ABL2: variants seen among roughly 807,000 people sequenced by gnomAD.
ABL2 encodes the protein ABL proto-oncogene 2, non-receptor tyrosine kinase, also known as tyrosine-protein kinase ABL2.
Under a neutral mutation model 107.7 loss-of-function variants are expected in ABL2, and 49 were observed. The observed-to-expected ratio is 0.45, with a 90% CI of 0.36 to 0.58. ABL2 has a LOEUF of 0.58. Ranked by LOEUF, ABL2 falls within the 20% of genes least tolerant of loss-of-function variation. The pLI is 0.00. For synonymous variants in ABL2, 549 were observed against 548.6 expected (o/e 1.00, Z -0.01); for missense variants, 1,245 against 1,457.0 (o/e 0.85, Z 2.37).
At position 179,121,721 on chromosome 1, in the gene ABL2, G is replaced by A. The variant is rs796712434; in HGVS notation, c.834C>T (p.His278=). ...KPTVYGVSPI[H]DKWEMERTDI... ...CTGTTCGCTCCATTTCCCATTTGTC[G>A]TGGATGGGGGACACACCATAGACTG... is the stretch of plus-strand genomic sequence containing the variant. Residue 278 remains histidine (H), a synonymous_variant, in exon 5 of 12, where the codon CAC becomes CAT. Transcript: ENST00000502732. 1.4e-5 allele frequency: 23 copies of A among 1,613,980 alleles called. No homozygotes were observed. The highest frequency in any genetic ancestry group is 1.2e-4 in the African/African-American group (9 of 74,970).
intron 1 of ABL2, among the ~76,000 whole-genome samples, chr1:179,170,169 A>G (rs1192133372): frequency 1.3e-5 from 2 of 152,200 alleles, no homozygotes; most frequent in African/African-American, 2.4e-5. Context: ...AGCATACTCA[A>G]CAGTACTCAT....
At position 179,106,375 on chromosome 1, in the gene ABL2, C is replaced by T. The variant is rs566995620; in HGVS notation, c.*1343G>A. 6.3e-4 allele frequency: 145 copies of T among 231,370 alleles called. No individual in the cohort carries two copies. The Middle Eastern group carries it at 6.5e-3, about 10-fold the overall frequency. The allele number at this position is 231,370 out of a possible 1,614,324, so 14.3% of individuals were successfully genotyped here. Reference sequence around the variant, plus strand: ...AGGTTCCCAGGGTCTACCTGGTGCTCCCTGAAAATGACTACTCCTTCAATT... The same window carrying T: ...AGGTTCCCAGGGTCTACCTGGTGCTTCCTGAAAATGACTACTCCTTCAATT... On this transcript the variant is annotated 3_prime_UTR_variant, in exon 12 of 12. Coordinates refer to ENST00000502732, the MANE Select transcript of ABL2 (RefSeq NM_007314.4).
chr1:179,203,226 C>A (rs952413463), intron 1 of ABL2, among the ~76,000 whole-genome samples: 1 of 152,092 alleles, frequency 6.6e-6, no homozygotes, highest in Non-Finnish European at 1.5e-5. Flanking sequence ...TATTTCCTAA[C>A]GTCAAAACAA....
intron 8 of ABL2, among the ~76,000 whole-genome samples, chr1:179,116,489 C>CT (rs1272554407): frequency 1.2e-4 from 18 of 151,988 alleles, no homozygotes; most frequent in African/African-American, 4.3e-4. Context: ...GCAGGGACTT[C>CT]TTTTTTAAAA....
At chr1:179,207,748 T>C (rs149227079) in intron 1 of ABL2, among the ~76,000 whole-genome samples, 233 of 152,298 alleles carry the variant, frequency 1.5e-3, no homozygotes, top group African/African-American at 5.4e-3. Flanking sequence ...AATTTTTTTA[T>C]ACCTATGTCA....
chr1:179,126,742 G>T lies in ABL2; in HGVS notation c.392-70C>A. On this transcript the variant is annotated intron_variant, in intron 3 of 11. Coordinates refer to ENST00000502732, the MANE Select transcript of ABL2 (RefSeq NM_007314.4). This position sits in a 1 kb window ranked among gnomAD's most constrained non-coding sequence, Gnocchi z 4.4. The stretch of plus-strand genomic sequence containing the variant: ...TTTATTTCAACTGAAGCAGTGTACT[G>T]TCAAACTTTAAACTCATTAAAAAAA... 8 of 1,365,008 alleles carry T rather than the reference G, an allele frequency of 5.9e-6. No homozygotes were observed. Among genetic ancestry groups the T allele is most frequent in the African/African-American group, 2.9e-5 (2 of 68,444 alleles). The allele number at this position is 1,365,008 out of a possible 1,614,324, so 84.6% of individuals were successfully genotyped here. A position where few individuals can be genotyped will look rare whatever the true frequency, so the allele number is the denominator to read the frequency against.
chr1:179,226,949 C>T (rs949223126), intron 1 of ABL2, among the ~76,000 whole-genome samples: 8 of 152,132 alleles, frequency 5.3e-5, no homozygotes, highest in Non-Finnish European at 1.0e-4. Context: ...CAGCAACATT[C>T]CCACAATCCA....
At chr1:179,224,134 C>CAAAAAAAAA (rs1181284107) in intron 1 of ABL2, among the ~76,000 whole-genome samples, 8 of 34,498 alleles carry the variant, frequency 2.3e-4, no homozygotes, top group Non-Finnish European at 3.2e-4. Flanking sequence ...CTACTCACTA[C>CAAAAAAAAA]AAAAAAAAAA....
chr1:179,122,359 A>G (rs1182868817), intron 4 of ABL2, among the ~76,000 whole-genome samples: 1 of 151,434 alleles, frequency 6.6e-6, no homozygotes, highest in African/African-American at 2.4e-5. Flanking sequence ...GCCTCAAGCA[A>G]TCCTCCTGCC....
chr1:179,210,503 C>CAAAAAAAAAAAAAAAAAAAAAAAA (rs113814284), intron 1 of ABL2, among the ~76,000 whole-genome samples: 1 of 94,116 alleles, frequency 1.1e-5, no homozygotes, highest in Non-Finnish European at 2.0e-5. Flanking sequence ...CTCTAACTCA[C>CAAAAAAAAAAAAAAAAAAAAAAAA]AAAAAAAAAA....
intron 1 of ABL2, among the ~76,000 whole-genome samples, chr1:179,226,928 T>C (rs1663249970): frequency 6.6e-6 from 1 of 152,210 alleles, no homozygotes; most frequent in Non-Finnish European, 1.5e-5. Context: ...GCAGGGACTC[T>C]GTTATGTTCA....
chr1:179,168,436 T>G (rs1659520882), intron 1 of ABL2, among the ~76,000 whole-genome samples: 5 of 152,200 alleles, frequency 3.3e-5, no homozygotes, highest in Admixed American at 3.3e-4. Context: ...TCAAATATTC[T>G]CAATCTGTGC....
chr1:179,229,559 C>T lies in ABL2; in HGVS notation c.-162G>A. The T allele has an allele frequency of 3.0e-6, 2 of 666,148 alleles. No individual in the cohort carries two copies. Among genetic ancestry groups the T allele is most frequent in the Non-Finnish European group, 4.6e-6 (2 of 437,718 alleles). The allele number at this position is 666,148 out of a possible 1,614,324, so 41.3% of individuals were successfully genotyped here. A position where few individuals can be genotyped will look rare whatever the true frequency, so the allele number is the denominator to read the frequency against. ...GGCTCCGCACCCGGCCTCCTCACGG[C>T]AGCCGCCGCGCTGCCTCCAGGCGAC... On this transcript the variant is annotated 5_prime_UTR_variant, in exon 1 of 12. Coordinates refer to ENST00000502732, the MANE Select transcript of ABL2 (RefSeq NM_007314.4).
chr1:179,161,425 A>C (rs1456679388), intron 1 of ABL2, among the ~76,000 whole-genome samples: 1 of 152,116 alleles, frequency 6.6e-6, no homozygotes, highest in Admixed American at 6.5e-5. Context: ...TTTGATAAAT[A>C]ATGAGTACTT....
intron 1 of ABL2, among the ~76,000 whole-genome samples, chr1:179,152,545 T>C (rs1303740439): frequency 6.6e-6 from 1 of 152,102 alleles, no homozygotes; most frequent in Admixed American, 6.5e-5. Flanking sequence ...TGACTGTGTG[T>C]GTGCATGTGC....
At chr1:179,193,630 T>G (rs1181611722) in intron 1 of ABL2, among the ~76,000 whole-genome samples, 1 of 152,204 alleles carries the variant, frequency 6.6e-6, no homozygotes, top group Non-Finnish European at 1.5e-5. Context: ...AGTCTTGAAC[T>G]CCTGACCTCA....
chr1:179,175,681 G>C (rs1659997001), intron 1 of ABL2, among the ~76,000 whole-genome samples: 1 of 152,022 alleles, frequency 6.6e-6, no homozygotes, highest in Non-Finnish European at 1.5e-5. Flanking sequence ...AGATATCCTA[G>C]GGAGGTTTTA....
intron 1 of ABL2, among the ~76,000 whole-genome samples, chr1:179,157,682 T>C (rs1376672286): frequency 6.6e-6 from 1 of 151,740 alleles, no homozygotes; most frequent in African/African-American, 2.4e-5. Flanking sequence ...CCCTTTAAAG[T>C]TATCCAAAAG....
At chr1:179,120,116 G>A in intron 6 of ABL2, 74 bp downstream of exon 6, 4 of 889,540 alleles carry the variant, frequency 4.5e-6, no homozygotes, top group South Asian at 1.9e-5. Context: ...AAAAAAAAAA[G>A]CATTTGGAGA....
Sources: allele counts gnomAD v4.1 joint callset (sites outside exome capture counted in the v4.1 genomes callset), GRCh38; gene constraint gnomAD v4.1.1; non-coding constraint Gnocchi (gnomAD v3.1); transcripts MANE v1.5; gene names NCBI Gene and HGNC (gene_info 2026-07-23, HGNC 2026-07-21).